Variants in SIPA1L3 observed in about 807,000 individuals in gnomAD.
SIPA1L3 encodes the protein signal induced proliferation associated 1 like 3.
SIPA1L3 carries 59 observed loss-of-function variants against 150.1 expected under a neutral mutation model. The observed-to-expected ratio is 0.39, with a 90% CI of 0.32 to 0.49. The LOEUF is 0.49. SIPA1L3 is among the 20% of genes least tolerant of loss of function. The pLI, the probability that SIPA1L3 is intolerant of heterozygous loss-of-function variation, is 0.86. For missense variants in SIPA1L3, 2,211 were observed against 2,489.5 expected, an observed-to-expected ratio of 0.89 and a Z score of 2.38; for synonymous variants, 1,070 against 1,077.6, an observed-to-expected ratio of 0.99 and a Z score of 0.14.
intron 16 of SIPA1L3, among the ~76,000 whole-genome samples, chr19:38,189,638 C>A (rs187664127): frequency 6.6e-6 from 1 of 151,984 alleles, no homozygotes; most frequent in East Asian, 1.9e-4. Context: ...TGGTGGCAGG[C>A]GCCTGTAATC....
At chr19:37,944,097 C>T (rs184499285) in intron 1 of SIPA1L3, among the ~76,000 whole-genome samples, 125 of 151,340 alleles carry the variant, frequency 8.3e-4, no homozygotes, top group Middle Eastern at 3.4e-3. Context: ...GCCAACATGG[C>T]GAAACCGCAT....
At chr19:37,918,640 AG>A (rs997029441) in intron 1 of SIPA1L3, among the ~76,000 whole-genome samples, 2 of 151,620 alleles carry the variant, frequency 1.3e-5, no homozygotes, top group Non-Finnish European at 2.9e-5. Context: ...GAGGATGAGG[AG>A]GGCGGATCAC....
At chr19:38,010,697 G>A (rs1352244892) in intron 1 of SIPA1L3, among the ~76,000 whole-genome samples, 1 of 152,132 alleles carries the variant, frequency 6.6e-6, no homozygotes, top group Admixed American at 6.6e-5. Context: ...GGCAACAAGA[G>A]CGAAACTCTG....
chr19:37,982,577 TC>T (rs1158356274), intron 1 of SIPA1L3, among the ~76,000 whole-genome samples: 2 of 152,146 alleles, frequency 1.3e-5, no homozygotes, highest in Non-Finnish European at 2.9e-5. Flanking sequence ...CTATGTCACT[TC>T]CCCAAGGTCA....
At chr19:38,124,262 G>A (rs1455926104) in intron 9 of SIPA1L3, among the ~76,000 whole-genome samples, 5 of 147,488 alleles carry the variant, frequency 3.4e-5, no homozygotes, top group East Asian at 2.1e-4. Flanking sequence ...GTTGCCAGGC[G>A]GAGGGTCTCC....
intron 1 of SIPA1L3, among the ~76,000 whole-genome samples, chr19:37,951,199 T>A (rs981939951): frequency 1.3e-5 from 2 of 152,276 alleles, no homozygotes; most frequent in Non-Finnish European, 2.9e-5. Flanking sequence ...TGTCACTTTC[T>A]GATTTTTATA....
At chr19:38,058,904 A>G (rs1336892971) in intron 2 of SIPA1L3, among the ~76,000 whole-genome samples, 1 of 151,996 alleles carries the variant, frequency 6.6e-6, no homozygotes, top group Non-Finnish European at 1.5e-5. Flanking sequence ...CATGCCTGTA[A>G]TCCCAGCTTA....
intron 1 of SIPA1L3, among the ~76,000 whole-genome samples, chr19:38,022,244 G>A (rs1361993674): frequency 1.3e-5 from 2 of 152,138 alleles, no homozygotes; most frequent in East Asian, 3.8e-4. Context: ...GTTATTAAGA[G>A]GTTTAAATGG....
intron 18 of SIPA1L3, among the ~76,000 whole-genome samples, chr19:38,195,793 T>TCCCCC (rs528922318): frequency 3.5e-4 from 7 of 20,024 alleles, no homozygotes; most frequent in Admixed American, 8.1e-4. Context: ...ACAGGCCCCG[T>TCCCCC]CCCCCCCCGC....
At chr19:38,140,948 C>T (rs1971562486) in intron 10 of SIPA1L3, among the ~76,000 whole-genome samples, 1 of 150,694 alleles carries the variant, frequency 6.6e-6, no homozygotes, top group South Asian at 2.1e-4. Flanking sequence ...GTCCCAGCTA[C>T]TCAGGAGGCT....
intron 1 of SIPA1L3, among the ~76,000 whole-genome samples, chr19:38,011,252 A>C (rs1333348153): frequency 6.6e-6 from 1 of 152,084 alleles, no homozygotes; most frequent in Non-Finnish European, 1.5e-5. Context: ...AGGTGGGAGG[A>C]TCGCTTGAGC....
Position 38,206,153 on chromosome 19 carries a change from C to T in SIPA1L3, c.5259C>T (p.Asn1753=). 6.4e-7 allele frequency: 1 copy of T among 1,551,540 alleles called. No individual in the cohort carries two copies. The highest frequency in any genetic ancestry group is 1.2e-5 in the South Asian group (1 of 83,986). The change falls in exon 22 of 22, where the codon AAC becomes AAT. Residue 1753 remains asparagine (N), a synonymous_variant. Transcript: ENST00000222345. The part of the protein sequence containing the change: ...QSEVASLRQN[N]QRLQEESQAA... ...AGGTGGCCAGCCTGCGGCAGAACAA[C>T]CAGCGGCTGCAGGAGGAGTCGCAGG...
Position 38,110,010 on chromosome 19 carries a change from G to A in SIPA1L3, c.2134-217G>A, listed in dbSNP as rs190952656. 84 of 543,044 alleles carry A rather than the reference G, an allele frequency of 1.5e-4. No individual in the cohort carries two copies. The East Asian group carries it at 2.5e-3, about 16-fold the overall frequency. The allele number at this position is 543,044 out of a possible 1,614,324, so 33.6% of individuals were successfully genotyped here. A position where few individuals can be genotyped will look rare whatever the true frequency, so the allele number is the denominator to read the frequency against. ...GAGGGAACAGCGGTGCAGAGGCTTCGAGGAAGTGTTTCTGGCCATGGTGAG... is the reference window on the plus strand; with the variant it reads ...GAGGGAACAGCGGTGCAGAGGCTTCAAGGAAGTGTTTCTGGCCATGGTGAG... On this transcript the variant is annotated intron_variant, in intron 7 of 21. Coordinates refer to ENST00000222345, the MANE Select transcript of SIPA1L3 (RefSeq NM_015073.3).
At chr19:38,195,298 T>C (rs1183290572) in intron 18 of SIPA1L3, among the ~76,000 whole-genome samples, 1 of 152,162 alleles carries the variant, frequency 6.6e-6, no homozygotes, top group African/African-American at 2.4e-5. Flanking sequence ...TCCTGCTTTT[T>C]CCTGGAAGGC....
At position 38,193,799 on chromosome 19, in the gene SIPA1L3, G is replaced by A; in HGVS notation, c.4840+19G>A. The stretch of plus-strand genomic sequence containing the variant: ...AAGAAATGTGAGCCTGGGCCCCCTG[G>A]GACTGGCGCGGTAGTTACCCCAAGG... On this transcript the variant is annotated intron_variant, in intron 18 of 21. Coordinates refer to ENST00000222345, the MANE Select transcript of SIPA1L3 (RefSeq NM_015073.3). 2.6e-6 allele frequency: 4 copies of A among 1,543,300 alleles called. No homozygotes were observed. Among genetic ancestry groups the A allele is most frequent in the Non-Finnish European group, 3.5e-6 (4 of 1,156,756 alleles).
chr19:37,960,867 A>T (rs114897841), intron 1 of SIPA1L3, among the ~76,000 whole-genome samples: 2,154 of 151,508 alleles, frequency 0.014, 39 homozygotes, highest in African/African-American at 0.033. Context: ...TTTAAAAAAA[A>T]ATATATTTTT....
Position 38,141,425 on chromosome 19 carries a change from C to G in SIPA1L3, c.3385C>G (p.His1129Asp). 1 of 1,608,932 alleles carries G rather than the reference C, an allele frequency of 6.2e-7. No homozygotes were observed. The highest frequency in any genetic ancestry group is 8.5e-7 in the Non-Finnish European group (1 of 1,179,766). Residue 1129 changes from histidine to aspartate, a missense_variant, in exon 11 of 22, where the codon CAC becomes GAC. By Grantham distance (81) the His-to-Asp change is moderately conservative (BLOSUM62 -1). Coordinates refer to ENST00000222345, the MANE Select transcript of SIPA1L3 (RefSeq NM_015073.3). ...CCCCTTCCGGGAGTCCCAGCCACTG[C>G]ACAGCAAGAGGTAAGCACCTGCTGG... is the stretch of plus-strand genomic sequence containing the variant. ...IVPFRESQPL[H>D]SKRPVSFPET...
At chr19:38,097,792 A>G (rs1235740945) in intron 4 of SIPA1L3, among the ~76,000 whole-genome samples, 3 of 152,252 alleles carry the variant, frequency 2.0e-5, no homozygotes, top group Admixed American at 6.5e-5. Flanking sequence ...TCCTGACCTC[A>G]GGTGATCTGC....
chr19:38,099,880 C>T, intron 4 of SIPA1L3, 82 bp from the exon 5 acceptor site: 1 of 1,202,840 alleles, frequency 8.3e-7, no homozygotes, highest in Non-Finnish European at 1.2e-6. Context: ...ATGTCTCTTT[C>T]AAAACAAGAT....
Sources: gnomAD v4.1 joint callset for allele counts (sites outside exome capture counted in the v4.1 genomes callset) on GRCh38, gnomAD v4.1.1 for gene constraint, MANE v1.5 for transcripts, NCBI Gene and HGNC (gene_info 2026-07-23, HGNC 2026-07-21) for gene names.